FKBP5: variants seen among roughly 807,000 people sequenced by gnomAD.
The protein encoded by FKBP5 is FKBP prolyl isomerase 5.
In FKBP5, 23 loss-of-function variants were observed where a neutral mutation model predicts 50.5. The ratio of observed to expected loss-of-function variants is 0.46; its 90% CI spans 0.33 to 0.65. The LOEUF is 0.65. Ranked by LOEUF, FKBP5 falls within the 30% of genes least tolerant of loss-of-function variation. FKBP5 has a pLI of 0.02. For missense variants in FKBP5, 411 were observed against 553.1 expected, an observed-to-expected ratio of 0.74 and a Z score of 2.58; for synonymous variants, 176 against 190.6, an observed-to-expected ratio of 0.92 and a Z score of 0.63.
Position 35,649,498 on chromosome 6 carries a change from A to G in FKBP5, c.-19-6655T>C, listed in dbSNP as rs541147473. On this transcript the variant is annotated intron_variant, in intron 1 of 10. Coordinates refer to ENST00000357266, the MANE Select transcript of FKBP5 (RefSeq NM_004117.4). ...GGAGGTGGCATTTTGTGTAACCTCT[A>G]GCATCTCCCAAGAACACTAAGCAGT... is the stretch of plus-strand genomic sequence containing the variant. 4.6e-5 allele frequency among the ~76,000 whole-genome samples: 7 copies of G among 151,764 alleles called. No homozygotes were observed. The South Asian group carries it at 1.5e-3, about 32-fold the overall frequency.
At chr6:35,707,704 C>CCCACCCT (rs1292238948) in intron 2 of FKBP5, among the ~76,000 whole-genome samples, 1 of 152,156 alleles carries the variant, frequency 6.6e-6, no homozygotes, top group Non-Finnish European at 1.5e-5. Context: ...TCTCTCTCCT[C>CCCACCCT]CCACCCTCCA....
intron 5 of FKBP5, among the ~76,000 whole-genome samples, chr6:35,604,164 C>T (rs562051612): frequency 6.7e-6 from 1 of 150,246 alleles, no homozygotes; most frequent in South Asian, 2.1e-4. Context: ...CACACCACCA[C>T]GCCTGGCTAT....
intron 2 of FKBP5, among the ~76,000 whole-genome samples, chr6:35,700,059 G>A (rs1419663885): frequency 2.6e-5 from 4 of 152,106 alleles, no homozygotes; most frequent in Non-Finnish European, 4.4e-5. Flanking sequence ...AGAAAAAAAT[G>A]CAACTACCCT....
rs1008386055 is a variant in FKBP5 at position 35,584,978 on chromosome 6, CTG to C, written c.840+2054_840+2055del. ...CTGATCACTAATTCTGGCCATCTCTCTGTATATATTCAGAACACAGCTATATG... is the reference window on the plus strand; with the variant it reads ...CTGATCACTAATTCTGGCCATCTCTCTATATATTCAGAACACAGCTATATG... On this transcript the variant is annotated intron_variant, in intron 8 of 10. Transcript: ENST00000357266. The C allele has an allele frequency of 6.5e-5, 64 of 985,422 alleles. No individual in the cohort carries two copies. In the African/African-American group the frequency reaches 1.1e-3, roughly 17 times the overall value. 61.0% of individuals were successfully genotyped at this position (985,422 alleles called of 1,614,324 possible). A position where few individuals can be genotyped will look rare whatever the true frequency, so the allele number is the denominator to read the frequency against.
At chr6:35,581,522 A>C (rs1381645524) in intron 8 of FKBP5, 1 of 931,082 alleles carries the variant, frequency 1.1e-6, no homozygotes, top group Admixed American at 6.2e-5. Context: ...CCTAAGAGGC[A>C]GAGGTTGCAG....
At chr6:35,713,620 G>GT (rs1278807210) in intron 2 of FKBP5, among the ~76,000 whole-genome samples, 1 of 152,222 alleles carries the variant, frequency 6.6e-6, no homozygotes, top group African/African-American at 2.4e-5. Context: ...TAGCTGGCGG[G>GT]TGGGGGCCCA....
intron 1 of FKBP5, among the ~76,000 whole-genome samples, chr6:35,645,558 G>A (rs1764607038): frequency 6.6e-6 from 1 of 152,200 alleles, no homozygotes; most frequent in South Asian, 2.1e-4. Flanking sequence ...TCCTGGATTA[G>A]GGGACAAAAT....
rs567405058 is a variant in FKBP5, at chr6:35,575,076, T to C, written c.*759A>G. Reference sequence around the variant, plus strand: ...CAGTATCTCAGAACTTCATCGAAAATAGGAAAAGCTAATCCAGAAACTCTC... The same window carrying C: ...CAGTATCTCAGAACTTCATCGAAAACAGGAAAAGCTAATCCAGAAACTCTC... On this transcript the variant is annotated 3_prime_UTR_variant, in exon 11 of 11. Coordinates refer to ENST00000357266, the MANE Select transcript of FKBP5 (RefSeq NM_004117.4). 29 of 152,230 alleles carry C rather than the reference T, an allele frequency of 1.9e-4. No individual in the cohort carries two copies. The highest frequency in any genetic ancestry group is 1.5e-3 in the Admixed American group (23 of 15,294). 9.4% of individuals were successfully genotyped at this position (152,230 alleles called of 1,614,324 possible). A position where few individuals can be genotyped will look rare whatever the true frequency, so the allele number is the denominator to read the frequency against.
chr6:35,667,064 T>C (rs1207190110), intron 1 of FKBP5, among the ~76,000 whole-genome samples: 1 of 151,246 alleles, frequency 6.6e-6, no homozygotes, highest in African/African-American at 2.4e-5. Flanking sequence ...TGTGTATACA[T>C]AGATGCATGC....
At chr6:35,638,826 TGC>T (rs1764397529) in intron 2 of FKBP5, among the ~76,000 whole-genome samples, 1 of 152,178 alleles carries the variant, frequency 6.6e-6, no homozygotes, top group African/African-American at 2.4e-5. Context: ...ATTCTACAAG[TGC>T]TCATGTTCAC....
chr6:35,597,710 A>G (rs1763018038), intron 5 of FKBP5, among the ~76,000 whole-genome samples: 1 of 152,222 alleles, frequency 6.6e-6, no homozygotes, highest in Admixed American at 6.5e-5. Context: ...CCTCACCTAT[A>G]ATACAAAGTC....
At chr6:35,678,974 T>C (rs1765595659) in intron 1 of FKBP5, among the ~76,000 whole-genome samples, 1 of 152,176 alleles carries the variant, frequency 6.6e-6, no homozygotes, top group African/African-American at 2.4e-5. Flanking sequence ...TCCCAGCTAC[T>C]GTGGAGGCTG....
intron 2 of FKBP5, among the ~76,000 whole-genome samples, chr6:35,713,034 G>A (rs1480522842): frequency 7.8e-6 from 1 of 128,554 alleles, no homozygotes; most frequent in African/African-American, 3.1e-5. Flanking sequence ...CCGTGATCAC[G>A]CTACTGCACT....
In FKBP5 at chr6:35,587,125, T is replaced by G; in HGVS notation, c.757-8A>C. 1 of 1,613,454 alleles carries G rather than the reference T, an allele frequency of 6.2e-7. No individual in the cohort carries two copies. The highest frequency in any genetic ancestry group is 8.5e-7 in the Non-Finnish European group (1 of 1,179,408). On this transcript the variant is annotated splice_region_variant and splice_polypyrimidine_tract_variant and intron_variant, in intron 7 of 10. Transcript: ENST00000357266. ...CTCCCAGGATTCTTTGGCCTGTGTG[T>G]AAATTTGTGACAATGGTTAGATGAA...
intron 3 of FKBP5, among the ~76,000 whole-genome samples, chr6:35,624,161 C>T (rs2150980227): frequency 6.6e-6 from 1 of 152,252 alleles, no homozygotes; most frequent in East Asian, 1.9e-4. Context: ...GAAAAAGCCT[C>T]CCCAACGTCT....
intron 1 of FKBP5, among the ~76,000 whole-genome samples, chr6:35,680,811 A>T (rs1765644124): frequency 6.6e-6 from 1 of 152,250 alleles, no homozygotes; most frequent in African/African-American, 2.4e-5. Context: ...AACAGCTAGC[A>T]CATTGTAGGT....
At chr6:35,632,725 A>G (rs1158197695) in intron 3 of FKBP5, among the ~76,000 whole-genome samples, 1 of 151,992 alleles carries the variant, frequency 6.6e-6, no homozygotes, top group East Asian at 1.9e-4. Flanking sequence ...GTCCGTCTCT[A>G]CTAAAAATAC....
chr6:35,679,165 T>C (rs901021870), intron 1 of FKBP5, among the ~76,000 whole-genome samples: 1 of 152,212 alleles, frequency 6.6e-6, no homozygotes, highest in Non-Finnish European at 1.5e-5. Flanking sequence ...CATTAAAGAA[T>C]CTGGAGAGGA....
chr6:35,621,281 A>G (rs1412405507), intron 3 of FKBP5, among the ~76,000 whole-genome samples: 1 of 152,220 alleles, frequency 6.6e-6, no homozygotes, highest in Non-Finnish European at 1.5e-5. Flanking sequence ...TGTAAGCAGT[A>G]TCAAGTCCTT....
Sources: allele counts gnomAD v4.1 joint callset (sites outside exome capture counted in the v4.1 genomes callset), GRCh38; gene constraint gnomAD v4.1.1; transcripts MANE v1.5; gene names NCBI Gene and HGNC (gene_info 2026-07-23, HGNC 2026-07-21).